Variants in TDRD12 observed in about 807,000 individuals in gnomAD.
TDRD12 encodes putative ATP-dependent RNA helicase TDRD12.
A neutral mutation model predicts 133.5 loss-of-function variants in TDRD12; 158 were observed. That is an observed-to-expected ratio of 1.18 (90% CI 1.04 to 1.35). The LOEUF is 1.35. Among genes scored for constraint, TDRD12 ranks in the 40% most tolerant of loss-of-function variants. The pLI is 0.00. For synonymous variants in TDRD12, 460 were observed against 477.9 expected (o/e 0.96, Z 0.49); for missense variants, 1,443 against 1,321.3 (o/e 1.09, Z -1.43).
downstream of TDRD12, among the ~76,000 whole-genome samples, chr19:32,822,144 AACTGGTTGGGC>A (rs1477587217): frequency 6.6e-6 from 1 of 151,688 alleles, no homozygotes; most frequent in Non-Finnish European, 1.5e-5. Flanking sequence ...ACAAAAACAA[AACTGGTTGGGC>A]ACGGTGGCTC....
chr19:32,747,856 A>T (rs545544269), intron 4 of TDRD12, among the ~76,000 whole-genome samples: 284 of 151,832 alleles, frequency 1.9e-3, no homozygotes, highest in African/African-American at 5.5e-3. Flanking sequence ...TAAAAAAAAA[A>T]TTTTTTTTAA....
intron 1 of TDRD12, among the ~76,000 whole-genome samples, chr19:32,730,148 C>T (rs1197255330): frequency 6.6e-6 from 1 of 152,134 alleles, no homozygotes; most frequent in Non-Finnish European, 1.5e-5. Context: ...TCCTTGGGGT[C>T]TCATTTCTGC....
intron 2 of TDRD12, among the ~76,000 whole-genome samples, chr19:32,735,752 C>G (rs917658976): frequency 1.3e-5 from 2 of 151,922 alleles, no homozygotes; most frequent in Non-Finnish European, 2.9e-5. Flanking sequence ...GGTGGATCAC[C>G]TAAGGTCAGG....
intron 11 of TDRD12, among the ~76,000 whole-genome samples, chr19:32,787,110 G>T (rs1360449093): frequency 6.6e-6 from 1 of 152,084 alleles, no homozygotes; most frequent in Admixed American, 6.5e-5. Context: ...ATGAGGTTTT[G>T]GTGTAGATGT....
chr19:32,820,942 G>A (rs1967361209), intron 27 of TDRD12, 91 bp from the exon 28 acceptor site: 5 of 1,014,246 alleles, frequency 4.9e-6, no homozygotes, highest in Non-Finnish European at 7.2e-6. Flanking sequence ...ACGGCCACAG[G>A]CACTTCACGG....
At chr19:32,756,042 A>T in exon 7 of TDRD12, 11 of 1,477,280 alleles carry the variant, frequency 7.4e-6, no homozygotes, top group Non-Finnish European at 9.8e-6. Context: ...GTTATATGTC[A>T]CCTACAAAGA....
At chr19:32,751,189 C>T (rs937156025) in intron 6 of TDRD12, among the ~76,000 whole-genome samples, 3 of 144,208 alleles carry the variant, frequency 2.1e-5, no homozygotes, top group Non-Finnish European at 3.0e-5. Flanking sequence ...CACTTATAAG[C>T]GAGAACATGC....
chr19:32,720,829 T>TGCGCCCCCACCAGGGG (rs1198778750), intron 1 of TDRD12, among the ~76,000 whole-genome samples: 1 of 2,496 alleles, frequency 4.0e-4, no homozygotes, highest in East Asian at 8.6e-3. Context: ...GAACCCTCCC[T>TGCGCCCCCACCAGGGG]GCGCCCCCAC....
chr19:32,813,843 C>CAAGTGAGGGCTTAGAA, intron 25 of TDRD12, 67 bp downstream of exon 25: 1 of 928,490 alleles, frequency 1.1e-6, no homozygotes. Flanking sequence ...CCAGATTATT[C>CAAGTGAGGGCTTAGAA]TAAGCCCTCA....
chr19:32,736,922 A>T (rs1445427485), intron 2 of TDRD12, among the ~76,000 whole-genome samples: 1 of 152,150 alleles, frequency 6.6e-6, no homozygotes, highest in South Asian at 2.1e-4. Context: ...TTATGTCCTG[A>T]TAATTGTAGG....
At chr19:32,782,367 T>C (rs888979303) in intron 11 of TDRD12, among the ~76,000 whole-genome samples, 1 of 152,230 alleles carries the variant, frequency 6.6e-6, no homozygotes, top group Admixed American at 6.5e-5. Flanking sequence ...AGTCTATCAT[T>C]GATGGACATT....
intron 4 of TDRD12, among the ~76,000 whole-genome samples, chr19:32,743,550 T>C (rs908515163): frequency 6.6e-6 from 1 of 151,962 alleles, no homozygotes; most frequent in South Asian, 2.1e-4. Flanking sequence ...GCTGGGCCCA[T>C]GGAGCATTAT....
At chr19:32,765,482 A>G (rs1970268418) in intron 8 of TDRD12, among the ~76,000 whole-genome samples, 1 of 152,232 alleles carries the variant, frequency 6.6e-6, no homozygotes, top group Admixed American at 6.5e-5. Flanking sequence ...AATACTTGGA[A>G]CCAACCCAAA....
chr19:32,727,847 T>A (rs997775857), intron 1 of TDRD12, among the ~76,000 whole-genome samples: 1 of 152,116 alleles, frequency 6.6e-6, no homozygotes, highest in Non-Finnish European at 1.5e-5. Context: ...TTTGTATTTT[T>A]AGTAGAGACG....
chr19:32,731,810 G>T, exon 2 of TDRD12: 1 of 1,551,364 alleles, frequency 6.4e-7, no homozygotes, highest in Non-Finnish European at 8.7e-7. Flanking sequence ...AAATTAAATA[G>T]TGCCATGAAT....
chr19:32,811,188 C>T (rs757835906), intron 23 of TDRD12, 22 bp from the exon 24 acceptor site: 13 of 1,518,556 alleles, frequency 8.6e-6, no homozygotes, highest in African/African-American at 2.8e-5. Context: ...CTGCGTTGAA[C>T]CGATGCCCCA....
Position 32,793,955 on chromosome 19 carries a change from C to T in TDRD12, c.1288-673C>T, listed in dbSNP as rs150619813. Among the ~76,000 whole-genome samples, 905 of 144,814 alleles carry T rather than the reference C, an allele frequency of 6.2e-3. 9 individuals carry two copies. Among genetic ancestry groups the T allele is most frequent in the African/African-American group, 0.021 (823 of 38,336 alleles). On this transcript the variant is annotated intron_variant, in intron 13 of 27. Coordinates refer to ENST00000444215, the Ensembl canonical transcript of TDRD12. Reference sequence around the variant, plus strand: ...GATTACAGGTGCCTGACACCACGCCCGGCTAATTTTCTATTTTTAGTAGAG... The same window carrying T: ...GATTACAGGTGCCTGACACCACGCCTGGCTAATTTTCTATTTTTAGTAGAG...
At chr19:32,766,323 C>G (rs1021068790) in intron 8 of TDRD12, among the ~76,000 whole-genome samples, 1 of 152,136 alleles carries the variant, frequency 6.6e-6, no homozygotes. Flanking sequence ...ATAAGCACAT[C>G]ATGGAGAATG....
At chr19:32,800,742 C>G in exon 18 of TDRD12, 21 of 1,535,346 alleles carry the variant, frequency 1.4e-5, no homozygotes, top group Non-Finnish European at 1.8e-5. Context: ...TCTTCACCTG[C>G]TCTGTAGCTG....
Sources: gnomAD v4.1 joint callset for allele counts (sites outside exome capture counted in the v4.1 genomes callset) on GRCh38, gnomAD v4.1.1 for gene constraint, MANE v1.5 for transcripts, NCBI Gene and HGNC (gene_info 2026-07-23, HGNC 2026-07-21) for gene names.